The following IFI6 variants were observed in gnomAD, a reference collection of about 807,000 sequenced individuals.
The protein encoded by IFI6 is interferon alpha-inducible protein 6.
In IFI6, 10 loss-of-function variants were observed where a neutral mutation model predicts 12.7. That is an observed-to-expected ratio of 0.79 (90% CI 0.49 to 1.33). IFI6 has a LOEUF of 1.33. Among genes scored for constraint, IFI6 ranks in the 40% most tolerant of loss-of-function variants. IFI6 has a pLI of 0.00. For synonymous variants in IFI6, 89 were observed against 86.2 expected (o/e 1.03, Z -0.18); for missense variants, 154 against 180.4 (o/e 0.85, Z 0.84).
At chr1:27,667,736 T>C (rs1209652963) in intron 4 of IFI6, among the ~76,000 whole-genome samples, 1 of 152,204 alleles carries the variant, frequency 6.6e-6, no homozygotes. Context: ...TGGGTCAGAA[T>C]CTAGGCTCTG....
intron 1 of IFI6, among the ~76,000 whole-genome samples, chr1:27,671,629 G>A (rs540087100): frequency 2.0e-4 from 31 of 151,590 alleles, no homozygotes; most frequent in African/African-American, 2.4e-4. Flanking sequence ...CTCGTGATCC[G>A]TGGGTCTCGG....
rs751214879 is a variant in IFI6 at position 27,668,310 on chromosome 1, C to A, written c.214G>T (p.Ala72Ser). 2 of 1,578,484 alleles carry A rather than the reference C, an allele frequency of 1.3e-6. No individual in the cohort carries two copies. The highest frequency in any genetic ancestry group is 1.7e-6 in the Non-Finnish European group (2 of 1,164,904). Reference protein sequence around the residue: ...TGAGIAANSVAASLMSWSAIL... With the variant: ...TGAGIAANSVSASLMSWSAIL... ...GCAGACCAGCTCATCAGCGAGGCAG[C>A]CACCGAGTTGGCCGCGATGCCGGCG... The change falls in exon 4 of 5, where the codon GCT (alanine) becomes TCT (serine). Residue 72 changes from alanine to serine, a missense_variant. Coordinates refer to ENST00000361157, the MANE Select transcript of IFI6 (RefSeq NM_002038.4).
intron 4 of IFI6, 150 bp from the exon 5 acceptor site, chr1:27,666,625 C>T (rs2090353909): frequency 5.8e-6 from 1 of 172,736 alleles, no homozygotes; most frequent in East Asian, 6.8e-5. Context: ...AAAGTGAGTC[C>T]CATTGCCTTG....
At chr1:27,666,917 C>T (rs1360736689) in intron 4 of IFI6, among the ~76,000 whole-genome samples, 1 of 152,058 alleles carries the variant, frequency 6.6e-6, no homozygotes, top group African/African-American at 2.4e-5. Context: ...GAGCAGGGCT[C>T]TCTTCTTTTG....
Position 27,668,322 on chromosome 1 carries a change from C to T in IFI6, c.202G>A (p.Ala68Thr). The T allele has an allele frequency of 6.4e-7, 1 of 1,571,794 alleles. No homozygotes were observed. The highest frequency in any genetic ancestry group is 8.6e-7 in the Non-Finnish European group (1 of 1,160,486). ...ATCAGCGAGGCAGCCACCGAGTTGG[C>T]CGCGATGCCGGCGCCGGTGAAGCCC... ...ALGFTGAGIA[A>T]NSVAASLMSW... Residue 68 changes from alanine (A) to threonine (T), a missense_variant, in exon 4 of 5, where the codon GCC (alanine) becomes ACC (threonine). Coordinates refer to ENST00000361157, the MANE Select transcript of IFI6 (RefSeq NM_002038.4).
chr1:27,668,792 C>T (rs561539800), intron 2 of IFI6, among the ~76,000 whole-genome samples: 1 of 152,160 alleles, frequency 6.6e-6, no homozygotes, highest in South Asian at 2.1e-4. Context: ...ACCAACCCTG[C>T]GCTGTCCATT....
At chr1:27,666,994 G>A (rs921267831) in intron 4 of IFI6, among the ~76,000 whole-genome samples, 1 of 147,830 alleles carries the variant, frequency 6.8e-6, no homozygotes, top group African/African-American at 2.5e-5. Context: ...CAGAAAGGCA[G>A]AGAGGGAAGT....
chr1:27,669,423 C>A, intron 1 of IFI6, 77 bp from the exon 2 acceptor site: 1 of 848,662 alleles, frequency 1.2e-6, no homozygotes, highest in South Asian at 1.5e-5. Flanking sequence ...CCTTCCAGTT[C>A]CAACTGAATC....
chr1:27,668,593 T>C, intron 2 of IFI6, 58 bp from the exon 3 acceptor site: 1 of 1,384,414 alleles, frequency 7.2e-7, no homozygotes, highest in Non-Finnish European at 1.0e-6. Context: ...AGGGGTCCCC[T>C]ACTCTGTGTC....
In IFI6 at chr1:27,669,265, G is replaced by T. The variant is rs1224331738; in HGVS notation, c.50C>A (p.Thr17Asn). ...CTCACCTGCCTCCACCCCACTGCAA[G>T]TGAAGAGCAGCAGGTAGCACAAGAA... ...SLFLCYLLLF[T>N]CSGVEAGKKK... The change falls in exon 2 of 5, where the codon ACT becomes AAT. Residue 17 changes from threonine (T) to asparagine (N), a missense_variant. Coordinates refer to ENST00000361157, the MANE Select transcript of IFI6 (RefSeq NM_002038.4). 1.3e-6 allele frequency: 2 copies of T among 1,552,064 alleles called. No individual in the cohort carries two copies. Among genetic ancestry groups the T allele is most frequent in the Admixed American group, 2.0e-5 (1 of 51,040 alleles).
chr1:27,666,289 C>CAAAAAAAA lies in IFI6; in HGVS notation c.*84_*91dup, dbSNP rs10649401. Reference sequence around the variant, plus strand: ...TGGACAATATAGTGAGAACCCATCTCAAAAAAAAAAAAAAAAAAAAAAAGG... The same window carrying CAAAAAAAA: ...TGGACAATATAGTGAGAACCCATCTCAAAAAAAAAAAAAAAAAAAAAAAAAAAAAAAGG... On this transcript the variant is annotated 3_prime_UTR_variant, in exon 5 of 5. Coordinates refer to ENST00000361157, the MANE Select transcript of IFI6 (RefSeq NM_002038.4). The CAAAAAAAA allele has an allele frequency of 1.0e-4, 26 of 255,864 alleles. No individual in the cohort carries two copies. Among genetic ancestry groups the CAAAAAAAA allele is most frequent in the East Asian group, 2.7e-4 (3 of 11,048 alleles). 15.8% of individuals were successfully genotyped at this position (255,864 alleles called of 1,614,324 possible).
At chr1:27,671,504 C>T (rs1259387770) in intron 1 of IFI6, among the ~76,000 whole-genome samples, 2 of 151,750 alleles carry the variant, frequency 1.3e-5, no homozygotes, top group African/African-American at 4.8e-5. Context: ...CCTGCCTCAG[C>T]CTCCCGAGTA....
At chr1:27,667,808 C>T (rs192024201) in intron 4 of IFI6, among the ~76,000 whole-genome samples, 9 of 152,334 alleles carry the variant, frequency 5.9e-5, no homozygotes, top group Non-Finnish European at 7.3e-5. Context: ...CGGTGACTCA[C>T]GCCTGTAATC....
intron 1 of IFI6, 162 bp from the exon 2 acceptor site, chr1:27,669,508 G>A: frequency 1.7e-6 from 1 of 573,108 alleles, no homozygotes; most frequent in Non-Finnish European, 3.2e-6. Flanking sequence ...TTTCCTCTCC[G>A]CATCAGTGGC....
chr1:27,667,763 A>G (rs912570943), intron 4 of IFI6, among the ~76,000 whole-genome samples: 2 of 152,184 alleles, frequency 1.3e-5, no homozygotes, highest in Admixed American at 1.3e-4. Context: ...ACTAGCAGGG[A>G]GACTTGAGTA....
Position 27,668,263 on chromosome 1 carries a change from C to A in IFI6, c.261G>T (p.Val87=). ...SWSAILNGGG[V]PAGGLVATLQ... ...GCGTGGCCACTAGCCCCCCGGCGGGCACGCCGCCCCCATTCAGGATCGCAG... is the reference window on the plus strand; with the variant it reads ...GCGTGGCCACTAGCCCCCCGGCGGGAACGCCGCCCCCATTCAGGATCGCAG... The change falls in exon 4 of 5, where the codon GTG becomes GTT. Residue 87 remains valine, a synonymous_variant. Transcript: ENST00000361157. The A allele has an allele frequency of 6.3e-7, 1 of 1,576,562 alleles. No individual in the cohort carries two copies. Among genetic ancestry groups the A allele is most frequent in the Non-Finnish European group, 8.6e-7 (1 of 1,166,756 alleles).
Position 27,668,532 on chromosome 1 carries a change from T to C in IFI6, c.74A>G (p.Lys25Arg), listed in dbSNP as rs970076550. Residue 25 changes from lysine to arginine, a missense_variant, in exon 3 of 5, where the codon AAG becomes AGG. Coordinates refer to ENST00000361157, the MANE Select transcript of IFI6 (RefSeq NM_002038.4). ...GTCCGAGCTCTCCGAGCACTTTTTC[T>C]TACCTGCAGGAGAGCAGACAAAGCG... ...LFTCSGVEAGKKKCSESSDSG... is the reference protein window; with the variant it reads ...LFTCSGVEAGRKKCSESSDSG... The C allele has an allele frequency of 5.6e-6, 9 of 1,599,276 alleles. No homozygotes were observed. Among genetic ancestry groups the C allele is most frequent in the Non-Finnish European group, 7.7e-6 (9 of 1,172,552 alleles).
chr1:27,671,147 T>A (rs1361092549), intron 1 of IFI6, among the ~76,000 whole-genome samples: 1 of 152,140 alleles, frequency 6.6e-6, no homozygotes, highest in Non-Finnish European at 1.5e-5. Flanking sequence ...TTTTCTTAAG[T>A]TAAAAAGAAA....
In IFI6 at chr1:27,668,228, A is replaced by C; in HGVS notation, c.296T>G (p.Leu99Arg). The change falls in exon 4 of 5, where the codon CTC becomes CGC. Residue 99 changes from leucine to arginine, a missense_variant and splice_region_variant. Coordinates refer to ENST00000361157, the MANE Select transcript of IFI6 (RefSeq NM_002038.4). ...AGGLVATLQS[L>R]GAGGSSVVIG... ...AGGGGCCCAGGCCCCGCACTCACCGAGGCTCTGCAGCGTGGCCACTAGCCC... is the reference window on the plus strand; with the variant it reads ...AGGGGCCCAGGCCCCGCACTCACCGCGGCTCTGCAGCGTGGCCACTAGCCC... The C allele has an allele frequency of 1.9e-6, 3 of 1,542,194 alleles. No individual in the cohort carries two copies. Among genetic ancestry groups the C allele is most frequent in the Non-Finnish European group, 2.6e-6 (3 of 1,151,532 alleles).
Sources: allele counts gnomAD v4.1 joint callset (sites outside exome capture counted in the v4.1 genomes callset), GRCh38; gene constraint gnomAD v4.1.1; transcripts MANE v1.5; gene names NCBI Gene and HGNC (gene_info 2026-07-23, HGNC 2026-07-21).